The following RELN variants were observed in gnomAD, a reference collection of about 807,000 sequenced individuals.
RELN encodes the protein reelin.
RELN carries 108 observed loss-of-function variants against 427.6 expected under a neutral mutation model. The observed-to-expected ratio is 0.25, with a 90% CI of 0.22 to 0.30. The LOEUF is 0.30. Ranked by LOEUF, RELN falls within the 10% of genes least tolerant of loss-of-function variation. The pLI is 1.00. For missense variants in RELN, 3,715 were observed against 4,302.8 expected, an observed-to-expected ratio of 0.86 and a Z score of 3.82; for synonymous variants, 1,524 against 1,513.4, an observed-to-expected ratio of 1.01 and a Z score of -0.16.
intron 10 of RELN, among the ~76,000 whole-genome samples, chr7:103,693,990 T>C (rs1833925652): frequency 6.6e-6 from 1 of 152,122 alleles, no homozygotes; most frequent in African/African-American, 2.4e-5. Context: ...AACTAGAATT[T>C]TGAAAACAAA....
intron 63 of RELN, 168 bp from the exon 64 acceptor site, chr7:103,478,562 C>T (rs1218490118): frequency 9.2e-6 from 6 of 653,000 alleles, no homozygotes; most frequent in South Asian, 1.7e-5. Flanking sequence ...ATTTCTTATT[C>T]TTCTATACCC....
chr7:103,816,436 T>A (rs1237768559), intron 3 of RELN, among the ~76,000 whole-genome samples: 1 of 152,030 alleles, frequency 6.6e-6, no homozygotes, highest in Non-Finnish European at 1.5e-5. Context: ...ATTTTACTTT[T>A]CATAAAAATG....
intron 6 of RELN, among the ~76,000 whole-genome samples, chr7:103,737,656 T>A (rs547250035): frequency 2.2e-4 from 34 of 152,366 alleles, no homozygotes; most frequent in Non-Finnish European, 4.6e-4. Flanking sequence ...GGAATTTTAG[T>A]AAGCCAAATC....
At chr7:103,473,075 C>G (rs959852894) in intron 64 of RELN, 167 bp from the exon 65 acceptor site, 1 of 729,592 alleles carries the variant, frequency 1.4e-6, no homozygotes, top group African/African-American at 1.7e-5. Flanking sequence ...GTCAGAGGAA[C>G]TAAAGGCTGG....
In RELN at chr7:103,749,220, G is replaced by A. The variant is rs140174616; in HGVS notation, c.656+206C>T. ...AATCTAACCACACTCATGGCTTTGA[G>A]GAGAACCTGGATTCAGTTCTTAAAG... On this transcript the variant is annotated intron_variant, in intron 6 of 64. Transcript: ENST00000428762. 9.2e-5 allele frequency among the ~76,000 whole-genome samples: 14 copies of A among 152,188 alleles called. No individual in the cohort carries two copies. The East Asian group carries it at 2.7e-3, about 29-fold the overall frequency.
chr7:103,565,638 C>G, intron 33 of RELN, 87 bp from the exon 34 acceptor site: 1 of 1,328,140 alleles, frequency 7.5e-7, no homozygotes, highest in Non-Finnish European at 1.1e-6. Context: ...TCTTCAATAG[C>G]AAACAAAAAT....
At chr7:103,965,724 T>C (rs1796647223) in intron 1 of RELN, among the ~76,000 whole-genome samples, 1 of 152,216 alleles carries the variant, frequency 6.6e-6, no homozygotes, top group African/African-American at 2.4e-5. Context: ...ATCTTTTCTC[T>C]TTCTGCCAGC....
In RELN at chr7:103,551,052, G is replaced by A; in HGVS notation, c.6302+15C>T. 1 of 1,597,056 alleles carries A rather than the reference G, an allele frequency of 6.3e-7. No individual in the cohort carries two copies. The highest frequency in any genetic ancestry group is 1.3e-5 in the African/African-American group (1 of 74,718). The stretch of plus-strand genomic sequence containing the variant: ...AAAGGAGAAACAAATGTGGCGTCAA[G>A]CAGCGGGTCCTTACCCACAAAGGTG... On this transcript the variant is annotated intron_variant, in intron 41 of 64. Transcript: ENST00000428762.
chr7:103,600,488 C>T (rs975784694), intron 24 of RELN, among the ~76,000 whole-genome samples: 10 of 152,132 alleles, frequency 6.6e-5, no homozygotes, highest in African/African-American at 2.4e-4. Context: ...AGCTGGCCTG[C>T]AAAACGGGTC....
At chr7:103,487,057 C>T (rs1350551952) in intron 60 of RELN, among the ~76,000 whole-genome samples, 1 of 152,140 alleles carries the variant, frequency 6.6e-6, no homozygotes, top group Non-Finnish European at 1.5e-5. Flanking sequence ...ACATAAACAC[C>T]ATGGAATACT....
intron 12 of RELN, among the ~76,000 whole-genome samples, chr7:103,659,618 A>G (rs1249270720): frequency 6.6e-6 from 1 of 152,080 alleles, no homozygotes; most frequent in Admixed American, 6.6e-5. Flanking sequence ...GCTTTACCCT[A>G]ATCCCTCCAC....
chr7:103,830,046 T>A (rs1388670608), intron 3 of RELN, among the ~76,000 whole-genome samples: 2 of 115,634 alleles, frequency 1.7e-5, no homozygotes, highest in Non-Finnish European at 4.1e-5. Flanking sequence ...CCATCAGTTG[T>A]AAGACGTTAA....
intron 2 of RELN, among the ~76,000 whole-genome samples, chr7:103,900,905 G>A (rs1795069571): frequency 6.6e-6 from 1 of 151,846 alleles, no homozygotes; most frequent in African/African-American, 2.4e-5. Context: ...GAAAACCTGG[G>A]CAATACCATT....
At chr7:103,525,011 G>T (rs990712942) in intron 46 of RELN, among the ~76,000 whole-genome samples, 2 of 152,024 alleles carry the variant, frequency 1.3e-5, no homozygotes, top group African/African-American at 4.8e-5. Context: ...CCTCATCATG[G>T]TCACTCGCCT....
At position 103,575,715 on chromosome 7, in the gene RELN, A is replaced by G. The variant is rs2117208552; in HGVS notation, c.4146-10T>C. 1 of 1,614,128 alleles carries G rather than the reference A, an allele frequency of 6.2e-7. No homozygotes were observed. Among genetic ancestry groups the G allele is most frequent in the South Asian group, 1.1e-5 (1 of 91,084 alleles). On this transcript the variant is annotated splice_polypyrimidine_tract_variant and intron_variant, in intron 28 of 64. Coordinates refer to ENST00000428762, the MANE Select transcript of RELN (RefSeq NM_005045.4). Reference sequence around the variant, plus strand: ...TCGGAATCTGGTCTTGCTGTTGGGAAAAACAACACACCTGTTTCTTGTACC... The same window carrying G: ...TCGGAATCTGGTCTTGCTGTTGGGAGAAACAACACACCTGTTTCTTGTACC...
intron 1 of RELN, among the ~76,000 whole-genome samples, chr7:103,961,732 C>A (rs10234631): frequency 6.6e-6 from 1 of 152,084 alleles, no homozygotes; most frequent in East Asian, 1.9e-4. Context: ...TCACTTAGTT[C>A]TTTTCATGTT....
chr7:103,539,221 A>G lies in RELN; in HGVS notation c.7037T>C (p.Val2346Ala). The G allele has an allele frequency of 6.2e-7, 1 of 1,614,260 alleles. No individual in the cohort carries two copies. Among genetic ancestry groups the G allele is most frequent in the Non-Finnish European group, 8.5e-7 (1 of 1,180,046 alleles). ...LLHPGGTKMP[V>A]CGSTGDALVF... Reference sequence around the variant, plus strand: ...CAGGGCATCACCAGTAGAGCCACACACGGGCATCTTGGTGCCTCCTGGGTG... The same window carrying G: ...CAGGGCATCACCAGTAGAGCCACACGCGGGCATCTTGGTGCCTCCTGGGTG... The change falls in exon 45 of 65, where the codon GTG becomes GCG. Residue 2346 changes from valine to alanine, a missense_variant. By Grantham distance (64) the Val-to-Ala change is moderately conservative. This residue lies in a region of RELN where 1,310 missense variants were observed against 1,643.0 expected (regional missense o/e 0.80). Coordinates refer to ENST00000428762, the MANE Select transcript of RELN (RefSeq NM_005045.4).
intron 19 of RELN, among the ~76,000 whole-genome samples, chr7:103,633,783 A>G (rs1832520746): frequency 1.3e-5 from 2 of 152,074 alleles, no homozygotes; most frequent in Non-Finnish European, 1.5e-5. Context: ...CTTTAGGCCA[A>G]CTTAACTTAG....
intron 30 of RELN, among the ~76,000 whole-genome samples, chr7:103,572,983 G>A (rs1456507007): frequency 6.6e-6 from 1 of 152,188 alleles, no homozygotes; most frequent in Non-Finnish European, 1.5e-5. Flanking sequence ...TTGTTGCCCA[G>A]GCTGGAGTGC....
Sources: gnomAD v4.1 joint callset for allele counts (sites outside exome capture counted in the v4.1 genomes callset) on GRCh38, gnomAD v4.1.1 for gene constraint, gnomAD v4.1.1 regional missense constraint, MANE v1.5 for transcripts, NCBI Gene and HGNC (gene_info 2026-07-23, HGNC 2026-07-21) for gene names.